The following BRD1 variants were observed in gnomAD, a reference collection of about 807,000 sequenced individuals.
BRD1 encodes the protein bromodomain containing 1.
Under a neutral mutation model 107.7 loss-of-function variants are expected in BRD1, and 24 were observed. The observed-to-expected ratio is 0.22, with a 90% CI of 0.16 to 0.31. BRD1 has a LOEUF of 0.31. Ranked by LOEUF, BRD1 falls within the 10% of genes least tolerant of loss-of-function variation. The pLI is 1.00. For synonymous variants in BRD1, 744 were observed against 686.1 expected (o/e 1.08, Z -1.32); for missense variants, 1,279 against 1,638.6 (o/e 0.78, Z 3.79).
rs1267213152 is a variant in BRD1 at position 49,799,199 on chromosome 22, C to G, written c.1525-80G>C. On this transcript the variant is annotated intron_variant, in intron 3 of 12. Transcript: ENST00000404760. ...GCCTCAGATACCATGCAGGTGAGAC[C>G]CCAAGAGGCATCCACGTCAGGGGTC... is the stretch of plus-strand genomic sequence containing the variant. 4 of 1,537,584 alleles carry G rather than the reference C, an allele frequency of 2.6e-6. No individual in the cohort carries two copies. In the African/African-American group the frequency reaches 4.1e-5, roughly 16 times the overall value.
chr22:49,786,097 G>A lies in BRD1; in HGVS notation c.2857+1293C>T, dbSNP rs560439415. On this transcript the variant is annotated intron_variant, in intron 8 of 12. Coordinates refer to ENST00000404760, the MANE Select transcript of BRD1 (RefSeq NM_001304808.3). ...CCCCACCCTCTCTCACTGCTCAAGTGCACGAGGCACCACGGCACACCAGCA... is the reference window on the plus strand; with the variant it reads ...CCCCACCCTCTCTCACTGCTCAAGTACACGAGGCACCACGGCACACCAGCA... Among the ~76,000 whole-genome samples, 4 of 146,914 alleles carry A rather than the reference G, an allele frequency of 2.7e-5. No homozygotes were observed. The East Asian group carries it at 8.6e-4, about 31-fold the overall frequency.
At chr22:49,818,850 C>G (rs572748048) in intron 2 of BRD1, among the ~76,000 whole-genome samples, 1 of 151,698 alleles carries the variant, frequency 6.6e-6, no homozygotes, top group Non-Finnish European at 1.5e-5. Context: ...CGTGCCACTG[C>G]GCTCCAGCCT....
intron 3 of BRD1, 83 bp downstream of exon 3, chr22:49,804,121 T>C: frequency 7.6e-7 from 1 of 1,313,992 alleles, no homozygotes; most frequent in East Asian, 2.6e-5. Flanking sequence ...GGCAGCACCG[T>C]GACCAGCCTG....
At chr22:49,775,874 CCTCGCCGAA>C in intron 11 of BRD1, 129 bp from the exon 12 acceptor site, 2 of 1,195,202 alleles carry the variant, frequency 1.7e-6, no homozygotes, top group Non-Finnish European at 2.3e-6. Context: ...CCCACGCCCC[CCTCGCCGAA>C]CCACCCCTGC....
Position 49,799,824 on chromosome 22 carries a change from G to A in BRD1, c.1525-705C>T, listed in dbSNP as rs187331373. 1.9e-4 allele frequency among the ~76,000 whole-genome samples: 29 copies of A among 152,344 alleles called. 1 individual carries two copies. In the South Asian group the frequency reaches 5.2e-3, roughly 27 times the overall value. ...TGCAAAGGCCATGACACAGATGGTC[G>A]CAGGAGAGTAGGCCACCTGGGTCTG... On this transcript the variant is annotated intron_variant, in intron 3 of 12. Transcript: ENST00000404760.
At chr22:49,784,586 C>T (rs535829484) in intron 8 of BRD1, among the ~76,000 whole-genome samples, 1 of 152,366 alleles carries the variant, frequency 6.6e-6, no homozygotes, top group East Asian at 1.9e-4. Context: ...CCTGTTCAGC[C>T]TAACTCAGAA....
chr22:49,815,403 C>G (rs991544437), intron 2 of BRD1, among the ~76,000 whole-genome samples: 2 of 152,066 alleles, frequency 1.3e-5, no homozygotes, highest in African/African-American at 2.4e-5. Flanking sequence ...ATTAGTTGGG[C>G]GTGGTGACGT....
intron 2 of BRD1, among the ~76,000 whole-genome samples, chr22:49,805,068 G>C (rs758044005): frequency 9.2e-5 from 14 of 152,180 alleles, no homozygotes; most frequent in Non-Finnish European, 1.6e-4. Flanking sequence ...GGAGAGGTGG[G>C]CACTGGTCCC....
At position 49,783,649 on chromosome 22, in the gene BRD1, G is replaced by C. The variant is rs1022186534; in HGVS notation, c.2857+3741C>G. On this transcript the variant is annotated intron_variant, in intron 8 of 12. Coordinates refer to ENST00000404760, the MANE Select transcript of BRD1 (RefSeq NM_001304808.3). This position sits in a 1 kb window ranked among gnomAD's most constrained non-coding sequence, Gnocchi z 4.2. ...CCTCTGCGTCCTTCGTGACTGTCCA[G>C]AGGGAAGGCTGAGGTGCCACGACAT... Among the ~76,000 whole-genome samples, 1 of 152,110 alleles carries C rather than the reference G, an allele frequency of 6.6e-6. No individual in the cohort carries two copies. Among genetic ancestry groups the C allele is most frequent in the African/African-American group, 2.4e-5 (1 of 41,410 alleles).
rs538982428 is a variant in BRD1, at chr22:49,773,390, T to G, written c.*843A>C. On this transcript the variant is annotated 3_prime_UTR_variant, in exon 13 of 13. Coordinates refer to ENST00000404760, the MANE Select transcript of BRD1 (RefSeq NM_001304808.3). ...TTAAAAATAAAAATAAAGTACTAATTCTATATACATCACAGGTACCATACA... is the reference window on the plus strand; with the variant it reads ...TTAAAAATAAAAATAAAGTACTAATGCTATATACATCACAGGTACCATACA... 6.6e-6 allele frequency: 1 copy of G among 152,622 alleles called. No individual in the cohort carries two copies. Among genetic ancestry groups the G allele is most frequent in the East Asian group, 1.9e-4 (1 of 5,192 alleles). The allele number at this position is 152,622 out of a possible 1,614,324, so 9.5% of individuals were successfully genotyped here.
rs2059035194 is a variant in BRD1, at chr22:49,774,116, G to C, written c.*117C>G. The C allele has an allele frequency of 3.0e-6, 4 of 1,351,072 alleles. No individual in the cohort carries two copies. Among genetic ancestry groups the C allele is most frequent in the Non-Finnish European group, 3.9e-6 (4 of 1,018,176 alleles). The allele number at this position is 1,351,072 out of a possible 1,614,324, so 83.7% of individuals were successfully genotyped here. A position where few individuals can be genotyped will look rare whatever the true frequency, so the allele number is the denominator to read the frequency against. On this transcript the variant is annotated 3_prime_UTR_variant, in exon 13 of 13. Coordinates refer to ENST00000404760, the MANE Select transcript of BRD1 (RefSeq NM_001304808.3). ...GGAAATAAAACCTCCCCCCTCCCCGGGGAAAAAGAATTAAAGAGCTATAAC... is the reference window on the plus strand; with the variant it reads ...GGAAATAAAACCTCCCCCCTCCCCGCGGAAAAAGAATTAAAGAGCTATAAC...
intron 8 of BRD1, among the ~76,000 whole-genome samples, chr22:49,781,745 G>A (rs533759897): frequency 6.6e-6 from 1 of 152,400 alleles, no homozygotes; most frequent in East Asian, 1.9e-4. Context: ...TGACAAAGGA[G>A]AGCCCACTAT....
rs761625739 is a variant in BRD1, at chr22:49,804,325, C to T, written c.1403G>A (p.Arg468Gln). The stretch of plus-strand genomic sequence containing the variant: ...GGCTCGCTCCACAAACTGCTTCTTC[C>T]GCTGAATGGCCACCTGATTCGCAAT... The part of the protein sequence containing the change: ...NRIANQVAIQ[R>Q]KKQFVERAHS... The change falls in exon 3 of 13, where the codon CGG becomes CAG. Residue 468 changes from arginine (R) to glutamine (Q), a missense_variant. Transcript: ENST00000404760. 14 of 1,608,590 alleles carry T rather than the reference C, an allele frequency of 8.7e-6. No individual in the cohort carries two copies. The highest frequency in any genetic ancestry group is 4.0e-5 in the African/African-American group (3 of 74,916).
intron 6 of BRD1, among the ~76,000 whole-genome samples, chr22:49,795,268 C>T (rs923803261): frequency 1.3e-5 from 2 of 152,198 alleles, no homozygotes; most frequent in South Asian, 2.1e-4. Context: ...CAGAGACCCA[C>T]GGCCTCCAGG....
chr22:49,774,434 C>G lies in BRD1; in HGVS notation c.3387-18G>C. 6.3e-7 allele frequency: 1 copy of G among 1,597,510 alleles called. No individual in the cohort carries two copies. The highest frequency in any genetic ancestry group is 1.1e-5 in the South Asian group (1 of 89,626). On this transcript the variant is annotated intron_variant, in intron 12 of 12. Transcript: ENST00000404760. ...GCCACTGCCTTTTTAAAAGGAAAAA[C>G]AAGCGGAAAATCATTGCTTGCACAT...
At chr22:49,811,142 A>T (rs1184845076) in intron 2 of BRD1, among the ~76,000 whole-genome samples, 1 of 151,672 alleles carries the variant, frequency 6.6e-6, no homozygotes, top group East Asian at 1.9e-4. Flanking sequence ...AACAAAAAAA[A>T]CACATTTCAT....
chr22:49,802,925 C>G (rs1037404429), intron 3 of BRD1, among the ~76,000 whole-genome samples: 2 of 152,280 alleles, frequency 1.3e-5, no homozygotes, highest in African/African-American at 4.8e-5. Context: ...TCTGTGGACA[C>G]GTGAGGATCT....
rs2146997171 is a variant in BRD1 at position 49,783,944 on chromosome 22, T to C, written c.2857+3446A>G. ...GAGAAAATGATTAGGGTCCAAAGAGTGAACTACCCAGCACATTAGTGGTTA... is the reference window on the plus strand; with the variant it reads ...GAGAAAATGATTAGGGTCCAAAGAGCGAACTACCCAGCACATTAGTGGTTA... On this transcript the variant is annotated intron_variant, in intron 8 of 12. Transcript: ENST00000404760. This position sits in a 1 kb window ranked among gnomAD's most constrained non-coding sequence, Gnocchi z 4.2. Among the ~76,000 whole-genome samples the C allele has an allele frequency of 6.6e-6, 1 of 151,900 alleles. No homozygotes were observed. The highest frequency in any genetic ancestry group is 1.5e-5 in the Non-Finnish European group (1 of 67,952).
intron 2 of BRD1, among the ~76,000 whole-genome samples, chr22:49,808,016 C>A (rs1438782699): frequency 6.8e-6 from 1 of 147,294 alleles, no homozygotes; most frequent in Non-Finnish European, 1.5e-5. Context: ...TCAAAAAATA[C>A]TAACAAAAAA....
Sources: allele counts gnomAD v4.1 joint callset (sites outside exome capture counted in the v4.1 genomes callset), GRCh38; gene constraint gnomAD v4.1.1; non-coding constraint Gnocchi (gnomAD v3.1); transcripts MANE v1.5; gene names NCBI Gene and HGNC (gene_info 2026-07-23, HGNC 2026-07-21).